Variants in PKHD1L1 observed in about 807,000 individuals in gnomAD.
The protein encoded by PKHD1L1 is PKHD1 like 1, also known as fibrocystin-L.
A neutral mutation model predicts 462.9 loss-of-function variants in PKHD1L1; 434 were observed. The observed-to-expected ratio is 0.94, with a 90% CI of 0.87 to 1.02. PKHD1L1 has a LOEUF of 1.02. PKHD1L1 is among the 50% of genes least tolerant of loss of function. The pLI is 0.00. For missense variants in PKHD1L1, 5,202 were observed against 5,096.1 expected (o/e 1.02, Z -0.63); for synonymous variants, 1,781 against 1,750.0 (o/e 1.02, Z -0.44).
chr8:109,460,543 T>A (rs1817064842), intron 47 of PKHD1L1, among the ~76,000 whole-genome samples: 1 of 152,174 alleles, frequency 6.6e-6, no homozygotes, highest in South Asian at 2.1e-4. Context: ...TGTGGGGCAC[T>A]GTCCTGTGCA....
At position 109,475,278 on chromosome 8, in the gene PKHD1L1, A is replaced by T; in HGVS notation, c.8757+9A>T. On this transcript the variant is annotated intron_variant, in intron 51 of 77. Coordinates refer to ENST00000378402, the MANE Select transcript of PKHD1L1 (RefSeq NM_177531.6). ...CATTCTATGGATTCAAGGTAAAAAT[A>T]TTTATCTTCTAATGATTATAATTGT... is the stretch of plus-strand genomic sequence containing the variant. 1 of 1,581,446 alleles carries T rather than the reference A, an allele frequency of 6.3e-7. No homozygotes were observed. The highest frequency in any genetic ancestry group is 8.6e-7 in the Non-Finnish European group (1 of 1,157,032).
intron 41 of PKHD1L1, 101 bp from the exon 42 acceptor site, chr8:109,452,023 C>A: frequency 9.7e-7 from 1 of 1,030,826 alleles, no homozygotes; most frequent in Non-Finnish European, 1.3e-6. Flanking sequence ...AGAATCAGGT[C>A]ATTTTTTTTT....
intron 2 of PKHD1L1, among the ~76,000 whole-genome samples, chr8:109,366,731 C>A (rs893178345): frequency 1.4e-5 from 2 of 138,428 alleles, no homozygotes; most frequent in East Asian, 4.1e-4. Flanking sequence ...TCACTCTTGT[C>A]GTCCAGGCTG....
chr8:109,371,724 C>A (rs1307802421), intron 2 of PKHD1L1, among the ~76,000 whole-genome samples: 1 of 148,196 alleles, frequency 6.7e-6, no homozygotes, highest in Non-Finnish European at 1.5e-5. Flanking sequence ...CTACATATGG[C>A]TAGCCAGTTT....
intron 2 of PKHD1L1, among the ~76,000 whole-genome samples, chr8:109,378,829 C>T (rs575189295): frequency 2.0e-5 from 3 of 152,278 alleles, no homozygotes; most frequent in South Asian, 2.1e-4. Flanking sequence ...TGATTGGAAT[C>T]CAGAAATTAG....
In PKHD1L1 at chr8:109,531,503, T is replaced by C. The variant is rs150484762; in HGVS notation, c.*1413T>C. Among the ~76,000 whole-genome samples, 96 of 148,896 alleles carry C rather than the reference T, an allele frequency of 6.4e-4. No individual in the cohort carries two copies. Among genetic ancestry groups the C allele is most frequent in the African/African-American group, 2.3e-3 (93 of 40,308 alleles). On this transcript the variant is annotated 3_prime_UTR_variant, in exon 78 of 78. Coordinates refer to ENST00000378402, the MANE Select transcript of PKHD1L1 (RefSeq NM_177531.6). The stretch of plus-strand genomic sequence containing the variant: ...AGAGGGAGGGGGAGAGAGAGATAGA[T>C]AGAGAGAGAGAGAAAGCATGAGGTT...
chr8:109,486,799 T>C lies in PKHD1L1; in HGVS notation c.9858T>C (p.Thr3286=). 1 of 1,611,754 alleles carries C rather than the reference T, an allele frequency of 6.2e-7. No homozygotes were observed. The highest frequency in any genetic ancestry group is 8.5e-7 in the Non-Finnish European group (1 of 1,178,532). The stretch of plus-strand genomic sequence containing the variant: ...CACGCGTACTGGTTGGCTCATTCAC[T>C]GAAAATATGATGACATTTAAAGGTT... ...FGARVLVGSF[T]ENMMTFKGNA... The change falls in exon 59 of 78, where the codon ACT becomes ACC. Residue 3286 remains threonine (T), a synonymous_variant. Coordinates refer to ENST00000378402, the MANE Select transcript of PKHD1L1 (RefSeq NM_177531.6).
At position 109,425,095 on chromosome 8, in the gene PKHD1L1, A is replaced by G. The variant is rs752554743; in HGVS notation, c.2708A>G (p.His903Arg). 1.1e-5 allele frequency: 17 copies of G among 1,584,140 alleles called. No homozygotes were observed. The East Asian group carries it at 3.9e-4, about 36-fold the overall frequency. The change falls in exon 24 of 78, where the codon CAT becomes CGT. Residue 903 changes from histidine to arginine, a missense_variant. Physicochemically the swap from His to Arg is conservative, Grantham distance 29. Coordinates refer to ENST00000378402, the MANE Select transcript of PKHD1L1 (RefSeq NM_177531.6). ...TATTTTGGAAATTAGATAATCACACATGAGACAGAGAACGAGTTTGTCTAC... is the reference window on the plus strand; with the variant it reads ...TATTTTGGAAATTAGATAATCACACGTGAGACAGAGAACGAGTTTGTCTAC... ...MAVSFGQIIT[H>R]ETENEFVYRG...
At chr8:109,507,937 C>T (rs1295674195) in intron 69 of PKHD1L1, 42 bp downstream of exon 69, 1 of 1,583,836 alleles carries the variant, frequency 6.3e-7, no homozygotes, top group African/African-American at 1.4e-5. Context: ...GCCTTAAACT[C>T]ATGAAACAAA....
At chr8:109,526,756 C>A in intron 76 of PKHD1L1, 28 bp from the exon 77 acceptor site, 3 of 1,516,602 alleles carry the variant, frequency 2.0e-6, no homozygotes, top group South Asian at 2.4e-5. Context: ...TAAAGGAAAT[C>A]AAACACTATG....
At chr8:109,457,894 C>T (rs1816910488) in intron 46 of PKHD1L1, among the ~76,000 whole-genome samples, 1 of 152,034 alleles carries the variant, frequency 6.6e-6, no homozygotes, top group African/African-American at 2.4e-5. Context: ...TTGCATACCG[C>T]CTGTGAGATC....
intron 57 of PKHD1L1, among the ~76,000 whole-genome samples, chr8:109,483,570 TA>T (rs933248255): frequency 5.4e-5 from 8 of 149,386 alleles, no homozygotes; most frequent in African/African-American, 1.7e-4. Flanking sequence ...TATTTTTGGA[TA>T]AAATTAAAAT....
intron 21 of PKHD1L1, among the ~76,000 whole-genome samples, chr8:109,415,820 C>A (rs1586464461): frequency 6.9e-6 from 1 of 144,612 alleles, no homozygotes; most frequent in African/African-American, 2.6e-5. Context: ...TGCACTCCAG[C>A]CTGGGTGACA....
chr8:109,436,303 T>C (rs1815404030), intron 29 of PKHD1L1, 35 bp from the exon 30 acceptor site: 1 of 1,589,764 alleles, frequency 6.3e-7, no homozygotes, highest in South Asian at 1.1e-5. Flanking sequence ...AGTTGAACTG[T>C]TTTGTTGTTG....
intron 45 of PKHD1L1, among the ~76,000 whole-genome samples, chr8:109,455,741 CT>C (rs1207701688): frequency 6.6e-6 from 1 of 152,074 alleles, no homozygotes; most frequent in Non-Finnish European, 1.5e-5. Flanking sequence ...TGGTGTGAAT[CT>C]TTTTTATATT....
chr8:109,404,968 TA>T, intron 15 of PKHD1L1, 26 bp from the exon 16 acceptor site: 3 of 1,361,152 alleles, frequency 2.2e-6, no homozygotes, highest in Non-Finnish European at 3.0e-6. Flanking sequence ...TTTCATATAT[TA>T]AAAATGTTTC....
intron 46 of PKHD1L1, among the ~76,000 whole-genome samples, chr8:109,457,586 C>T (rs900945610): frequency 3.9e-5 from 6 of 152,092 alleles, no homozygotes; most frequent in Non-Finnish European, 8.8e-5. Context: ...CTGTCTAGCT[C>T]CCTGCAATAC....
At chr8:109,488,758 CTGA>C (rs1053332733) in intron 59 of PKHD1L1, among the ~76,000 whole-genome samples, 3 of 151,938 alleles carry the variant, frequency 2.0e-5, no homozygotes, top group Non-Finnish European at 2.9e-5. Flanking sequence ...GCTGCTGCTG[CTGA>C]TAATGATGGT....
In PKHD1L1 at chr8:109,448,518, T is replaced by G. The variant is rs1586537781; in HGVS notation, c.6025+127T>G. The stretch of plus-strand genomic sequence containing the variant: ...TCTAGTGTTTTTTTTGTTTGTTTGG[T>G]TTTTTTTTTTTGAGACAGAGTCTCG... On this transcript the variant is annotated intron_variant, in intron 39 of 77. Coordinates refer to ENST00000378402, the MANE Select transcript of PKHD1L1 (RefSeq NM_177531.6). 5 of 394,388 alleles carry G rather than the reference T, an allele frequency of 1.3e-5. No homozygotes were observed. In the East Asian group the frequency reaches 1.9e-4, roughly 15 times the overall value. 24.4% of individuals were successfully genotyped at this position (394,388 alleles called of 1,614,324 possible).
Sources: allele counts gnomAD v4.1 joint callset (sites outside exome capture counted in the v4.1 genomes callset), GRCh38; gene constraint gnomAD v4.1.1; transcripts MANE v1.5; gene names NCBI Gene and HGNC (gene_info 2026-07-23, HGNC 2026-07-21).